TCHP: variants seen among roughly 807,000 people sequenced by gnomAD.
TCHP encodes the protein trichoplein keratin filament-binding protein.
TCHP carries 81 observed loss-of-function variants against 88.7 expected under a neutral mutation model. The observed-to-expected ratio is 0.91, with a 90% CI of 0.76 to 1.10. The LOEUF (loss-of-function observed/expected upper bound fraction) is 1.10. Among genes scored for constraint, TCHP ranks in the 50% least tolerant of loss-of-function variants. The pLI is 0.00. For missense variants in TCHP, 641 were observed against 632.1 expected, an observed-to-expected ratio of 1.01 and a Z score of -0.15; for synonymous variants, 232 against 232.5, an observed-to-expected ratio of 1.00 and a Z score of 0.02.
intron 9 of TCHP, among the ~76,000 whole-genome samples, chr12:109,912,745 C>G (rs909043760): frequency 1.3e-5 from 2 of 152,056 alleles, no homozygotes. Flanking sequence ...GAGCCGAGAT[C>G]GCACCACTGC....
intron 8 of TCHP, 92 bp downstream of exon 8, chr12:109,909,029 A>G: frequency 2.4e-6 from 3 of 1,236,124 alleles, no homozygotes; most frequent in Non-Finnish European, 3.5e-6. Flanking sequence ...TCTCGTAAGA[A>G]TGAAGACAGT....
Position 109,903,192 on chromosome 12 carries a change from T to G in TCHP, c.166T>G (p.Ser56Ala). The G allele has an allele frequency of 4.3e-6, 7 of 1,612,746 alleles. No individual in the cohort carries two copies. Among genetic ancestry groups the G allele is most frequent in the Non-Finnish European group, 5.9e-6 (7 of 1,179,028 alleles). ...ICSSKQAEWS[S>A]KTSYQRSMHA... ...CAGCTCCAAACAGGCAGAATGGAGCTCTAAAACCTCCTACCAGCGGAGGTA... is the reference window on the plus strand; with the variant it reads ...CAGCTCCAAACAGGCAGAATGGAGCGCTAAAACCTCCTACCAGCGGAGGTA... The change falls in exon 2 of 13, where the codon TCT (serine) becomes GCT (alanine). Residue 56 changes from serine (S) to alanine (A), a missense_variant. Ser to Ala is a moderately conservative substitution (Grantham distance 99, BLOSUM62 1). Transcript: ENST00000405876. The surrounding 1 kb of genome is among the most constrained non-coding windows in gnomAD (Gnocchi z 4.6).
At chr12:109,882,949 G>A in the TCHP span, among the ~76,000 whole-genome samples, 2 of 151,902 alleles carry the variant, frequency 1.3e-5, no homozygotes, top group African/African-American at 4.8e-5. Context: ...GAACCACCGC[G>A]CCTGGCCAAG....
At chr12:109,910,487 G>A (rs1213073497) in intron 8 of TCHP, among the ~76,000 whole-genome samples, 1 of 151,994 alleles carries the variant, frequency 6.6e-6, no homozygotes. Context: ...TTGTAGAGAT[G>A]GGGTCTTGCT....
At chr12:109,886,870 G>T in the TCHP span, among the ~76,000 whole-genome samples, 5 of 151,554 alleles carry the variant, frequency 3.3e-5, no homozygotes, top group East Asian at 9.8e-4. Flanking sequence ...CGCCACGCCC[G>T]GCTAATTTTT....
chr12:109,911,425 A>G (rs1333737689), intron 9 of TCHP, among the ~76,000 whole-genome samples, 190 bp downstream of exon 9: 4 of 152,046 alleles, frequency 2.6e-5, no homozygotes, highest in African/African-American at 9.7e-5. Flanking sequence ...CAGCCTGGGC[A>G]ACATGGCAAA....
At chr12:109,894,799 G>T in the TCHP span, among the ~76,000 whole-genome samples, 20 of 150,364 alleles carry the variant, frequency 1.3e-4, no homozygotes, top group Non-Finnish European at 2.7e-4. Context: ...GACTTTGTTG[G>T]AGTCCAGGGC....
chr12:109,896,362 G>A (rs1236384907), upstream of TCHP, among the ~76,000 whole-genome samples: 1 of 152,184 alleles, frequency 6.6e-6, no homozygotes, highest in Non-Finnish European at 1.5e-5. Context: ...AGTCTTTGCT[G>A]TGTGACCTCA....
intron 10 of TCHP, among the ~76,000 whole-genome samples, chr12:109,913,895 T>C (rs1195802174): frequency 6.6e-6 from 1 of 152,092 alleles, no homozygotes; most frequent in African/African-American, 2.4e-5. Flanking sequence ...CACTTTCTGT[T>C]CCCCCCAGCC....
chr12:109,883,931 A>T, the TCHP span, among the ~76,000 whole-genome samples: 1 of 152,176 alleles, frequency 6.6e-6, no homozygotes, highest in Non-Finnish European at 1.5e-5. Flanking sequence ...ATAGCTTGTG[A>T]CAGGGGCCAG....
the TCHP span, among the ~76,000 whole-genome samples, chr12:109,892,622 C>T: frequency 6.6e-6 from 1 of 152,108 alleles, no homozygotes; most frequent in Admixed American, 6.6e-5. Flanking sequence ...TGCCTGTGGG[C>T]AGGAAAGTCA....
At chr12:109,911,611 CAAAA>C (rs1209414114) in intron 9 of TCHP, among the ~76,000 whole-genome samples, 4 of 45,518 alleles carry the variant, frequency 8.8e-5, no homozygotes, top group East Asian at 6.4e-4. Flanking sequence ...GACTCTGTCT[CAAAA>C]AAAAAAAAAA....
At chr12:109,901,334 G>GT (rs370946866) in intron 1 of TCHP, among the ~76,000 whole-genome samples, 1 of 151,500 alleles carries the variant, frequency 6.6e-6, no homozygotes, top group African/African-American at 2.4e-5. Context: ...TACTAACCTT[G>GT]CTTTTAGACT....
chr12:109,897,849 C>T (rs968715070), upstream of TCHP, among the ~76,000 whole-genome samples: 11 of 152,164 alleles, frequency 7.2e-5, no homozygotes, highest in African/African-American at 1.4e-4. Context: ...TGAGCCACCA[C>T]GCCTGGTCCA....
the TCHP span, among the ~76,000 whole-genome samples, chr12:109,894,765 CAAAAA>C: frequency 6.7e-5 from 5 of 74,164 alleles, no homozygotes; most frequent in African/African-American, 1.4e-4. Flanking sequence ...AACTCTGTCC[CAAAAA>C]AAAAAAAAAA....
the TCHP span, among the ~76,000 whole-genome samples, chr12:109,891,516 C>G: frequency 2.0e-5 from 3 of 151,750 alleles, no homozygotes; most frequent in Admixed American, 6.6e-5. Flanking sequence ...GCCTCAGCCT[C>G]CCAAGTAGCT....
At chr12:109,893,238 G>A in the TCHP span, among the ~76,000 whole-genome samples, 2 of 152,120 alleles carry the variant, frequency 1.3e-5, no homozygotes, top group Non-Finnish European at 2.9e-5. Context: ...AATTAACTGG[G>A]TGTGGTGGTG....
chr12:109,910,081 G>A (rs1194236106), intron 8 of TCHP, among the ~76,000 whole-genome samples: 3 of 152,120 alleles, frequency 2.0e-5, no homozygotes, highest in Non-Finnish European at 2.9e-5. Flanking sequence ...GGAGGTTGCA[G>A]TGAGCCGAGA....
the TCHP span, among the ~76,000 whole-genome samples, chr12:109,882,525 A>G: frequency 6.6e-6 from 1 of 150,902 alleles, no homozygotes; most frequent in African/African-American, 2.4e-5. Flanking sequence ...TCGGGGGGCC[A>G]GGGGAGGAAA....
Sources: allele counts gnomAD v4.1 joint callset (sites outside exome capture counted in the v4.1 genomes callset), GRCh38; gene constraint gnomAD v4.1.1; non-coding constraint Gnocchi (gnomAD v3.1); transcripts MANE v1.5; gene names NCBI Gene and HGNC (gene_info 2026-07-23, HGNC 2026-07-21).